SLC4A4: variants seen among roughly 807,000 people sequenced by gnomAD.
SLC4A4 encodes electrogenic sodium bicarbonate cotransporter 1.
Under a neutral mutation model 111.5 loss-of-function variants are expected in SLC4A4, and 27 were observed. The observed-to-expected ratio is 0.24, with a 90% CI of 0.18 to 0.33. SLC4A4 has a LOEUF of 0.33. SLC4A4 is among the 10% of genes least tolerant of loss of function. The pLI, the probability that SLC4A4 is intolerant of heterozygous loss-of-function variation, is 1.00. For synonymous variants in SLC4A4, 443 were observed against 463.4 expected (o/e 0.96, Z 0.57); for missense variants, 909 against 1,315.5 (o/e 0.69, Z 4.78).
intron 18 of SLC4A4, 100 bp downstream of exon 18, chr4:71,534,488 C>A: frequency 8.8e-7 from 1 of 1,132,842 alleles, no homozygotes; most frequent in Non-Finnish European, 1.3e-6. Context: ...TTGGGAGTTA[C>A]TATAGCTAAT....
At chr4:71,247,093 T>C (rs1324729810) in intron 2 of SLC4A4, among the ~76,000 whole-genome samples, 1 of 151,840 alleles carries the variant, frequency 6.6e-6, no homozygotes, top group Non-Finnish European at 1.5e-5. Flanking sequence ...GTAATTGTTA[T>C]AGCCCTATGG....
chr4:71,122,322 A>G (rs1178538851), intron 2 of SLC4A4, among the ~76,000 whole-genome samples: 1 of 151,838 alleles, frequency 6.6e-6, no homozygotes, highest in Non-Finnish European at 1.5e-5. Context: ...TCAAAAAAAA[A>G]AAAAAAAAAA....
In SLC4A4 at chr4:71,350,056, T is replaced by C; in HGVS notation, c.534T>C (p.Ser178=). Residue 178 remains serine (S), a synonymous_variant, in exon 5 of 26, where the codon TCT becomes TCC. Transcript: ENST00000264485. ...TCATGCTTGATCGGGAGGCTTCTTC[T>C]CTCCCACAGTTGGTGGGTAAGTATG... ...GSIMLDREAS[S]LPQLVEMIVD... 6.2e-7 allele frequency: 1 copy of C among 1,614,128 alleles called. No homozygotes were observed. The highest frequency in any genetic ancestry group is 8.5e-7 in the Non-Finnish European group (1 of 1,180,010).
intron 2 of SLC4A4, among the ~76,000 whole-genome samples, chr4:71,106,742 G>A (rs1024811441): frequency 2.2e-5 from 3 of 134,514 alleles, no homozygotes; most frequent in Non-Finnish European, 3.2e-5. Flanking sequence ...ATGGACACAG[G>A]AAGGGGAACA....
At chr4:71,411,878 C>T (rs1329543471) in intron 7 of SLC4A4, among the ~76,000 whole-genome samples, 2 of 152,100 alleles carry the variant, frequency 1.3e-5, no homozygotes, top group South Asian at 2.1e-4. Flanking sequence ...AACTGAGGGC[C>T]GCATGAACAT....
intron 5 of SLC4A4, among the ~76,000 whole-genome samples, chr4:71,354,613 G>A (rs1220656371): frequency 6.6e-6 from 1 of 152,054 alleles, no homozygotes; most frequent in Non-Finnish European, 1.5e-5. Flanking sequence ...GAATGTTTGT[G>A]ATCTTTGTCC....
At chr4:71,475,933 C>G (rs765726435) in intron 14 of SLC4A4, among the ~76,000 whole-genome samples, 1 of 151,786 alleles carries the variant, frequency 6.6e-6, no homozygotes, top group Non-Finnish European at 1.5e-5. Context: ...ACAGACCTAT[C>G]TTCATCATCC....
rs1453042427 is a variant in SLC4A4 at position 71,519,975 on chromosome 4, C to T, written c.2167-12087C>T. 2.0e-5 allele frequency among the ~76,000 whole-genome samples: 3 copies of T among 152,036 alleles called. No individual in the cohort carries two copies. In the East Asian group the frequency reaches 5.8e-4, roughly 29 times the overall value. ...AAGAATATCATTTTTATCTCTCATT[C>T]GCCAAAATATGTTTTAATTTAAGCT... is the stretch of plus-strand genomic sequence containing the variant. On this transcript the variant is annotated intron_variant, in intron 16 of 25. Transcript: ENST00000264485.
intron 2 of SLC4A4, among the ~76,000 whole-genome samples, chr4:71,247,826 G>A (rs778128379): frequency 3.3e-5 from 5 of 152,002 alleles, no homozygotes; most frequent in African/African-American, 1.2e-4. Context: ...ATGTCTTCCC[G>A]TTGGGTGGCT....
At position 71,126,943 on chromosome 4, in the gene SLC4A4, A is replaced by G. The variant is rs568243594; in HGVS notation, c.-2+34151A>G. Among the ~76,000 whole-genome samples the G allele has an allele frequency of 2.0e-5, 3 of 152,340 alleles. No individual in the cohort carries two copies. In the East Asian group the frequency reaches 5.8e-4, roughly 29 times the overall value. ...ACCACAGGTGACTCAGACAGTGGGC[A>G]GGAGTATTCCTGGAAGCCATCCTCT... On this transcript the variant is annotated intron_variant, in intron 2 of 26. Coordinates refer to the SLC4A4 transcript ENST00000649996.
rs1427498877 is a variant in SLC4A4 at position 71,420,154 on chromosome 4, G to A, written c.808-20462G>A. Among the ~76,000 whole-genome samples the A allele has an allele frequency of 2.0e-5, 3 of 152,362 alleles. No individual in the cohort carries two copies. In the East Asian group the frequency reaches 5.8e-4, roughly 29 times the overall value. On this transcript the variant is annotated intron_variant, in intron 7 of 25. Coordinates refer to ENST00000264485, the MANE Select transcript of SLC4A4 (RefSeq NM_001098484.3). ...AGAAGTACTTAAAGGAGCTGATGGA[G>A]CTGAAAGCCAAGGCTCCAGAACTAC...
intron 1 of SLC4A4, among the ~76,000 whole-genome samples, chr4:71,087,682 C>T (rs1210213570): frequency 6.6e-6 from 1 of 152,046 alleles, no homozygotes; most frequent in Non-Finnish European, 1.5e-5. Flanking sequence ...CATTCAGGAG[C>T]AGGTTGTTCA....
chr4:71,231,293 G>A (rs1439244843), intron 1 of SLC4A4, among the ~76,000 whole-genome samples: 1 of 152,196 alleles, frequency 6.6e-6, no homozygotes, highest in Non-Finnish European at 1.5e-5. Flanking sequence ...TTGGCAGTTG[G>A]CATGGGCTCT....
chr4:71,244,600 G>A (rs1336057292), intron 2 of SLC4A4, among the ~76,000 whole-genome samples: 2 of 152,134 alleles, frequency 1.3e-5, no homozygotes, highest in African/African-American at 4.8e-5. Context: ...CTCCCTTGCA[G>A]GTAATTGTTG....
intron 1 of SLC4A4, among the ~76,000 whole-genome samples, chr4:71,195,328 T>C (rs1745943826): frequency 1.3e-5 from 2 of 149,254 alleles, no homozygotes; most frequent in South Asian, 4.4e-4. Flanking sequence ...CTCAGAATAC[T>C]GAGCATGTAA....
At position 71,488,888 on chromosome 4, in the gene SLC4A4, ATGTGTGTGTGTGTG is replaced by A. The variant is rs66801188; in HGVS notation, c.1974+1897_1974+1910del. ...CTAGGGAAAGAAGTTAGAAGAAAAA[ATGTGTGTGTGTGTG>A]TGTGTGTGTGTGTGTGTGTGTGTGT... On this transcript the variant is annotated intron_variant, in intron 15 of 25. Coordinates refer to ENST00000264485, the MANE Select transcript of SLC4A4 (RefSeq NM_001098484.3). Among the ~76,000 whole-genome samples, 7 of 140,588 alleles carry A rather than the reference ATGTGTGTGTGTGTG, an allele frequency of 5.0e-5. No homozygotes were observed. In the East Asian group the frequency reaches 8.9e-4, roughly 18 times the overall value. The allele number at this position is 140,588 out of a possible 152,430, so 92.2% of individuals were successfully genotyped here. A position where few individuals can be genotyped will look rare whatever the true frequency, so the allele number is the denominator to read the frequency against.
At position 71,141,256 on chromosome 4, in the gene SLC4A4, A is replaced by C. The variant is rs543666974; in HGVS notation, c.-2+48464A>C. Among the ~76,000 whole-genome samples, 7 of 152,266 alleles carry C rather than the reference A, an allele frequency of 4.6e-5. No homozygotes were observed. The East Asian group carries it at 1.4e-3, about 29-fold the overall frequency. ...ATATAAGTGAAAAATGTAAGCTTTCATTCTTGCCCCACTTTCAGTATGATC... is the reference window on the plus strand; with the variant it reads ...ATATAAGTGAAAAATGTAAGCTTTCCTTCTTGCCCCACTTTCAGTATGATC... On this transcript the variant is annotated intron_variant, in intron 2 of 26. Coordinates refer to the SLC4A4 transcript ENST00000649996.
chr4:71,367,643 T>C (rs1401540107), intron 6 of SLC4A4, among the ~76,000 whole-genome samples: 1 of 152,168 alleles, frequency 6.6e-6, no homozygotes, highest in Admixed American at 6.5e-5. Flanking sequence ...TCTTTTTCAT[T>C]TTTCTTAGTG....
chr4:71,548,387 A>G (rs1172060555), intron 20 of SLC4A4, among the ~76,000 whole-genome samples: 1 of 151,940 alleles, frequency 6.6e-6, no homozygotes, highest in Admixed American at 6.6e-5. Flanking sequence ...ATCTGCCTAG[A>G]TAGATAAATG....
Sources: allele counts gnomAD v4.1 joint callset (sites outside exome capture counted in the v4.1 genomes callset), GRCh38; gene constraint gnomAD v4.1.1; transcripts MANE v1.5; gene names NCBI Gene and HGNC (gene_info 2026-07-23, HGNC 2026-07-21).